The following FBXW7 variants were observed in gnomAD, a reference collection of about 807,000 sequenced individuals.
The protein encoded by FBXW7 is F-box and WD repeat domain containing 7, also known as F-box/WD repeat-containing protein 7.
Under a neutral mutation model 86.3 loss-of-function variants are expected in FBXW7, and 11 were observed. The observed-to-expected ratio is 0.13, with a 90% CI of 0.08 to 0.21. The LOEUF is 0.21. Ranked by LOEUF, FBXW7 falls within the 10% of genes least tolerant of loss-of-function variation. FBXW7 has a pLI of 1.00. For synonymous variants in FBXW7, 313 were observed against 297.9 expected (o/e 1.05, Z -0.52); for missense variants, 488 against 847.4 (o/e 0.58, Z 5.27).
chr4:152,396,888 G>C (rs72721611), intron 4 of FBXW7, among the ~76,000 whole-genome samples: 4 of 151,852 alleles, frequency 2.6e-5, no homozygotes, highest in African/African-American at 9.7e-5. Flanking sequence ...TAAAATAATT[G>C]TAAGTTCATC....
chr4:152,515,212 T>C (rs1377379741), intron 2 of FBXW7, among the ~76,000 whole-genome samples: 5 of 152,156 alleles, frequency 3.3e-5, no homozygotes, highest in Admixed American at 2.6e-4. Flanking sequence ...GAAGAAAATA[T>C]AAAAATTAAA....
intron 2 of FBXW7, among the ~76,000 whole-genome samples, chr4:152,459,339 C>T (rs1742726543): frequency 6.6e-6 from 1 of 152,226 alleles, no homozygotes; most frequent in Non-Finnish European, 1.5e-5. Context: ...ACACTAGCTT[C>T]CACCTAGTAA....
chr4:152,341,624 A>G (rs998353524), intron 6 of FBXW7, among the ~76,000 whole-genome samples: 2 of 152,236 alleles, frequency 1.3e-5, no homozygotes, highest in Admixed American at 1.3e-4. Context: ...TCTCTAGATT[A>G]ATGCTATCAT....
chr4:152,352,670 AC>A (rs1731943402), intron 4 of FBXW7: 2 of 1,613,960 alleles, frequency 1.2e-6, no homozygotes, highest in Non-Finnish European at 1.7e-6. Context: ...AGAACCGGCA[AC>A]AAAACTCCAC....
chr4:152,444,718 C>T (rs182144160), intron 2 of FBXW7, among the ~76,000 whole-genome samples: 83 of 152,286 alleles, frequency 5.5e-4, no homozygotes, highest in Non-Finnish European at 2.8e-4. Flanking sequence ...ATGTGAGAGG[C>T]TTATTTAAAA....
intron 2 of FBXW7, among the ~76,000 whole-genome samples, chr4:152,471,395 GGGAAGGAGGGAA>G (rs1174555322): frequency 7.1e-6 from 1 of 140,880 alleles, no homozygotes; most frequent in Non-Finnish European, 1.5e-5. Flanking sequence ...GAAGGAAGGA[GGGAAGGAGGGAA>G]GGAAGGAAGG....
intron 7 of FBXW7, among the ~76,000 whole-genome samples, chr4:152,337,327 T>C (rs1730236285): frequency 6.6e-6 from 1 of 151,928 alleles, no homozygotes; most frequent in Admixed American, 6.6e-5. Flanking sequence ...AATTACACAA[T>C]GTTAAGTACC....
At chr4:152,344,427 A>T (rs188110159) in intron 6 of FBXW7, among the ~76,000 whole-genome samples, 1 of 152,288 alleles carries the variant, frequency 6.6e-6, no homozygotes, top group East Asian at 1.9e-4. Context: ...CTGCAGGGGT[A>T]ATTCCACATG....
At chr4:152,392,005 T>C (rs1736035839) in intron 4 of FBXW7, among the ~76,000 whole-genome samples, 1 of 152,176 alleles carries the variant, frequency 6.6e-6, no homozygotes, top group Admixed American at 6.6e-5. Context: ...AATAAAGTAT[T>C]GTATAAGACA....
intron 2 of FBXW7, among the ~76,000 whole-genome samples, chr4:152,516,401 T>C (rs189384663): frequency 1.3e-5 from 2 of 152,292 alleles, no homozygotes; most frequent in Admixed American, 6.5e-5. Context: ...AGGTGCTCCT[T>C]AAGAGAACCT....
chr4:152,350,206 AT>A, intron 4 of FBXW7, 82 bp from the exon 5 acceptor site: 2 of 697,704 alleles, frequency 2.9e-6, no homozygotes, highest in Non-Finnish European at 4.6e-6. Context: ...AATATTTTAA[AT>A]TCTTAAATTT....
intron 2 of FBXW7, among the ~76,000 whole-genome samples, chr4:152,447,697 T>C (rs1315544436): frequency 6.6e-6 from 1 of 152,148 alleles, no homozygotes; most frequent in Non-Finnish European, 1.5e-5. Context: ...GTAATACAAC[T>C]CATATTTCCT....
intron 2 of FBXW7, among the ~76,000 whole-genome samples, chr4:152,455,828 GTTTTGCCTCC>G (rs1742348309): frequency 6.6e-6 from 1 of 152,000 alleles, no homozygotes; most frequent in African/African-American, 2.4e-5. Context: ...GCCCTGATTG[GTTTTGCCTCC>G]TTCTTACAAG....
chr4:152,501,046 A>C (rs1433802246), intron 2 of FBXW7, among the ~76,000 whole-genome samples: 2 of 152,348 alleles, frequency 1.3e-5, no homozygotes, highest in East Asian at 3.9e-4. Context: ...AGTCCGACTT[A>C]AAGTCACTGT....
chr4:152,486,955 A>G (rs984463725), intron 2 of FBXW7, among the ~76,000 whole-genome samples: 6 of 152,054 alleles, frequency 3.9e-5, no homozygotes, highest in African/African-American at 1.4e-4. Context: ...TGCGATAGAA[A>G]TTTTTCAGCT....
Position 152,535,795 on chromosome 4 carries a change from C to T in FBXW7, c.-881G>A, listed in dbSNP as rs1227862048. 2 of 393,730 alleles carry T rather than the reference C, an allele frequency of 5.1e-6. No homozygotes were observed. The highest frequency in any genetic ancestry group is 8.9e-6 in the Non-Finnish European group (2 of 223,552). The allele number at this position is 393,730 out of a possible 1,614,324, so 24.4% of individuals were successfully genotyped here. Reference sequence around the variant, plus strand: ...GCCCGTGGTAGCCGCCTCCCTGCCCCCCAAGCCGCCGGCTCCGGCTCAGGC... The same window carrying T: ...GCCCGTGGTAGCCGCCTCCCTGCCCTCCAAGCCGCCGGCTCCGGCTCAGGC... On this transcript the variant is annotated 5_prime_UTR_variant, in exon 1 of 14. Coordinates refer to ENST00000281708, the MANE Select transcript of FBXW7 (RefSeq NM_001349798.2).
At chr4:152,455,562 T>C (rs533817276) in intron 2 of FBXW7, among the ~76,000 whole-genome samples, 22 of 152,170 alleles carry the variant, frequency 1.4e-4, no homozygotes, top group Non-Finnish European at 2.2e-4. Flanking sequence ...TAATCTAGGT[T>C]TTCTCCATTA....
chr4:152,378,993 G>A (rs538163939), intron 4 of FBXW7, among the ~76,000 whole-genome samples: 5 of 152,224 alleles, frequency 3.3e-5, no homozygotes, highest in East Asian at 1.9e-4. Flanking sequence ...GAGACAGAGT[G>A]AGACACTGTC....
intron 4 of FBXW7, among the ~76,000 whole-genome samples, chr4:152,367,065 G>A (rs1047709027): frequency 6.6e-6 from 1 of 152,102 alleles, no homozygotes; most frequent in Non-Finnish European, 1.5e-5. Context: ...TCATAGGTGG[G>A]AATTGAACAA....
Sources: allele counts gnomAD v4.1 joint callset (sites outside exome capture counted in the v4.1 genomes callset), GRCh38; gene constraint gnomAD v4.1.1; transcripts MANE v1.5; gene names NCBI Gene and HGNC (gene_info 2026-07-23, HGNC 2026-07-21).